CPNE4: variants seen among roughly 807,000 people sequenced by gnomAD.
CPNE4 encodes the protein copine 4, also known as copine-4.
In CPNE4, 25 loss-of-function variants were observed where a neutral mutation model predicts 67.9. That is an observed-to-expected ratio of 0.37 (90% CI 0.27 to 0.51). The LOEUF is 0.51. Among genes scored for constraint, CPNE4 ranks in the 20% least tolerant of loss-of-function variants. CPNE4 has a pLI of 0.93. For missense variants in CPNE4, 464 were observed against 690.8 expected (o/e 0.67, Z 3.68); for synonymous variants, 242 against 244.9 (o/e 0.99, Z 0.11).
At chr3:131,678,120 G>C (rs2080635691) in intron 6 of CPNE4, among the ~76,000 whole-genome samples, 1 of 152,086 alleles carries the variant, frequency 6.6e-6, no homozygotes, top group African/African-American at 2.4e-5. Context: ...GTAGTGGTTT[G>C]TAGTTCTCTT....
At chr3:131,842,076 C>T (rs1027006470) in intron 2 of CPNE4, among the ~76,000 whole-genome samples, 13 of 152,038 alleles carry the variant, frequency 8.6e-5, no homozygotes, top group Non-Finnish European at 1.6e-4. Flanking sequence ...CCTGTGCCAG[C>T]CTGGGCCTTA....
intron 2 of CPNE4, among the ~76,000 whole-genome samples, chr3:131,895,752 A>G (rs1389140737): frequency 6.6e-6 from 1 of 152,108 alleles, no homozygotes; most frequent in African/African-American, 2.4e-5. Flanking sequence ...TTTCAAACAA[A>G]TAATTGCAGT....
At chr3:131,868,890 A>G (rs1463952548) in intron 2 of CPNE4, among the ~76,000 whole-genome samples, 1 of 152,168 alleles carries the variant, frequency 6.6e-6, no homozygotes, top group Non-Finnish European at 1.5e-5. Context: ...AGAATTGAGT[A>G]GATATTGGAC....
At chr3:131,829,220 AC>A (rs1438056650) in intron 2 of CPNE4, among the ~76,000 whole-genome samples, 1 of 152,232 alleles carries the variant, frequency 6.6e-6, no homozygotes, top group Admixed American at 6.5e-5. Flanking sequence ...ATGTGGGAAT[AC>A]TGGGAGATAC....
chr3:131,936,463 G>A (rs1024743693), intron 1 of CPNE4, among the ~76,000 whole-genome samples: 1 of 151,996 alleles, frequency 6.6e-6, no homozygotes, highest in Non-Finnish European at 1.5e-5. Context: ...AATAAGATGA[G>A]TCTGTCTATG....
At chr3:131,918,421 T>C (rs2070638867) in intron 1 of CPNE4, among the ~76,000 whole-genome samples, 1 of 152,154 alleles carries the variant, frequency 6.6e-6, no homozygotes, top group Non-Finnish European at 1.5e-5. Context: ...AAAGACAAGG[T>C]TTCTATCTTC....
intron 2 of CPNE4, among the ~76,000 whole-genome samples, chr3:131,752,725 A>C (rs1463736217): frequency 6.6e-5 from 10 of 152,200 alleles, no homozygotes; most frequent in Admixed American, 4.6e-4. Context: ...CACAACATTT[A>C]ACTGAAGAAA....
At chr3:131,693,935 G>A (rs2081090296) in intron 5 of CPNE4, among the ~76,000 whole-genome samples, 2 of 152,060 alleles carry the variant, frequency 1.3e-5, no homozygotes, top group Non-Finnish European at 2.9e-5. Context: ...GTGCCTGTGT[G>A]GCTTTCAGTA....
intron 1 of CPNE4, among the ~76,000 whole-genome samples, chr3:132,009,010 T>A (rs1020909291): frequency 1.3e-5 from 2 of 152,178 alleles, no homozygotes; most frequent in Non-Finnish European, 2.9e-5. Context: ...ACTCTCAAAG[T>A]TGATGGGCCC....
At chr3:132,033,753 T>A (rs1288601295) in intron 1 of CPNE4, among the ~76,000 whole-genome samples, 1 of 152,206 alleles carries the variant, frequency 6.6e-6, no homozygotes, top group African/African-American at 2.4e-5. Flanking sequence ...TTTAGCCTGC[T>A]CCTCACCGGA....
intron 15 of CPNE4, among the ~76,000 whole-genome samples, chr3:131,542,287 A>G (rs1935545865): frequency 6.6e-6 from 1 of 152,100 alleles, no homozygotes; most frequent in African/African-American, 2.4e-5. Context: ...AATTTTGCCT[A>G]CAATAGTTAG....
intron 3 of CPNE4, among the ~76,000 whole-genome samples, chr3:131,719,766 C>T (rs1225652103): frequency 6.6e-6 from 1 of 152,236 alleles, no homozygotes; most frequent in Non-Finnish European, 1.5e-5. Context: ...GGGTCACTCT[C>T]ATCCTCAGCC....
chr3:131,697,400 G>A lies in CPNE4; in HGVS notation c.433-784C>T, dbSNP rs2081179977. Among the ~76,000 whole-genome samples the A allele has an allele frequency of 1.3e-5, 2 of 152,186 alleles. 1 individual carries two copies. The highest frequency in any genetic ancestry group is 4.1e-4 in the South Asian group (2 of 4,830). Reference sequence around the variant, plus strand: ...ATTTACCATGTATTCTGTGGCCACAGCACATGGATACGCTTATCAAATTGC... The same window carrying A: ...ATTTACCATGTATTCTGTGGCCACAACACATGGATACGCTTATCAAATTGC... On this transcript the variant is annotated intron_variant, in intron 4 of 15. Transcript: ENST00000429747.
intron 2 of CPNE4, among the ~76,000 whole-genome samples, chr3:131,889,360 C>A (rs1179800278): frequency 6.6e-6 from 1 of 152,176 alleles, no homozygotes; most frequent in Non-Finnish European, 1.5e-5. Context: ...ATATAAAAGG[C>A]TCAGAGATGT....
intron 1 of CPNE4, among the ~76,000 whole-genome samples, chr3:131,920,908 C>T (rs2070725124): frequency 1.3e-5 from 2 of 152,138 alleles, no homozygotes; most frequent in African/African-American, 4.8e-5. Flanking sequence ...ACTGATACTG[C>T]CTCAAAGACA....
intron 1 of CPNE4, among the ~76,000 whole-genome samples, chr3:132,008,674 A>G (rs1036409716): frequency 6.6e-6 from 1 of 152,200 alleles, no homozygotes; most frequent in Admixed American, 6.5e-5. Flanking sequence ...ATATGCCCAT[A>G]AATTCTTTTA....
intron 15 of CPNE4, among the ~76,000 whole-genome samples, chr3:131,540,744 G>C (rs1935436116): frequency 6.6e-6 from 1 of 152,168 alleles, no homozygotes; most frequent in Admixed American, 6.5e-5. Flanking sequence ...TACCAAATAA[G>C]GTTGAAGTGG....
intron 1 of CPNE4, among the ~76,000 whole-genome samples, chr3:131,938,563 C>A (rs1043612609): frequency 1.2e-4 from 18 of 152,022 alleles, no homozygotes; most frequent in African/African-American, 4.1e-4. Flanking sequence ...CTGGAGAGGC[C>A]TCAGGAAACT....
intron 2 of CPNE4, among the ~76,000 whole-genome samples, chr3:131,753,731 T>C (rs1373395321): frequency 6.6e-6 from 1 of 152,148 alleles, no homozygotes; most frequent in Non-Finnish European, 1.5e-5. Context: ...ACATATAGCT[T>C]GACTTCCATC....
Sources: allele counts gnomAD v4.1 joint callset (sites outside exome capture counted in the v4.1 genomes callset), GRCh38; gene constraint gnomAD v4.1.1; transcripts MANE v1.5; gene names NCBI Gene and HGNC (gene_info 2026-07-23, HGNC 2026-07-21).